EHMT1: variants seen among roughly 807,000 people sequenced by gnomAD.
EHMT1 encodes the protein histone-lysine N-methyltransferase EHMT1.
In EHMT1, 15 loss-of-function variants were observed where a neutral mutation model predicts 147.2. The ratio of observed to expected loss-of-function variants is 0.10; its 90% CI spans 0.07 to 0.16. EHMT1 has a LOEUF of 0.16. Among genes scored for constraint, EHMT1 ranks in the 10% least tolerant of loss-of-function variants. The pLI is 1.00. For missense variants in EHMT1, 1,587 were observed against 1,772.4 expected (o/e 0.90, Z 1.88); for synonymous variants, 795 against 709.6 (o/e 1.12, Z -1.91).
chr9:137,725,297 G>A (rs143433721), intron 3 of EHMT1, among the ~76,000 whole-genome samples: 1,578 of 152,026 alleles, frequency 0.01, 35 homozygotes, highest in Admixed American at 0.046. Context: ...TGTGGCCTTC[G>A]TGTGGCAGAC....
intron 1 of EHMT1, among the ~76,000 whole-genome samples, chr9:137,653,356 C>T (rs547600231): frequency 2.0e-4 from 30 of 152,210 alleles, no homozygotes; most frequent in Admixed American, 6.5e-4. Flanking sequence ...AGCCTCGGTG[C>T]GTAGTAGGCA....
chr9:137,779,352 A>C (rs1304643259), intron 13 of EHMT1, among the ~76,000 whole-genome samples: 3 of 152,222 alleles, frequency 2.0e-5, no homozygotes, highest in Non-Finnish European at 2.9e-5. Context: ...CGTGTTGTGT[A>C]AAAGCCTCAC....
At chr9:137,694,061 G>T in intron 1 of EHMT1, among the ~76,000 whole-genome samples, 1 of 89,204 alleles carries the variant, frequency 1.1e-5, no homozygotes, top group African/African-American at 4.7e-5. Flanking sequence ...CCCACACAGT[G>T]GCTCAGGACG....
chr9:137,708,472 TG>T (rs1328005101), intron 1 of EHMT1, among the ~76,000 whole-genome samples: 9 of 152,240 alleles, frequency 5.9e-5, no homozygotes, highest in Admixed American at 2.0e-4. Context: ...TATTAGGCAC[TG>T]GGCATTTGGG....
In EHMT1 at chr9:137,834,337, C is replaced by G. The variant is rs546373723; in HGVS notation, c.3541-12C>G. On this transcript the variant is annotated splice_polypyrimidine_tract_variant and intron_variant, in intron 25 of 26. Coordinates refer to ENST00000460843, the MANE Select transcript of EHMT1 (RefSeq NM_024757.5). ...TGCTAACTGCAGCCCGTGCCGGCTT[C>G]TCGCCCTGCAGGACGGGGAGGTTTA... The G allele has an allele frequency of 4.2e-5, 68 of 1,612,174 alleles. No individual in the cohort carries two copies. Among genetic ancestry groups the G allele is most frequent in the Non-Finnish European group, 5.7e-5 (67 of 1,179,682 alleles).
intron 18 of EHMT1, among the ~76,000 whole-genome samples, chr9:137,807,055 G>C (rs1315319762): frequency 6.6e-6 from 1 of 152,206 alleles, no homozygotes; most frequent in Non-Finnish European, 1.5e-5. Flanking sequence ...TTGTGTGTGT[G>C]CACGTAGGGT....
At chr9:137,672,517 C>T (rs532563084) in intron 1 of EHMT1, among the ~76,000 whole-genome samples, 420 of 152,040 alleles carry the variant, frequency 2.8e-3, no homozygotes, top group African/African-American at 9.2e-3. Context: ...TCTGGCAACT[C>T]GTGGACAAAA....
In EHMT1 at chr9:137,716,633, T is replaced by C; in HGVS notation, c.93T>C (p.Pro31=). The change falls in exon 3 of 27, where the codon CCT becomes CCC. Residue 31 remains proline (P), a synonymous_variant. Transcript: ENST00000460843. ...TCGTTTCTTTGTTGGCAGAGACACCTATGGCTGCCGATGAAGGCTCAGCAG... is the reference window on the plus strand; with the variant it reads ...TCGTTTCTTTGTTGGCAGAGACACCCATGGCTGCCGATGAAGGCTCAGCAG... ...VKTELLGEET[P]MAADEGSAEK... is the part of the protein sequence containing the mutation. 1 of 1,566,996 alleles carries C rather than the reference T, an allele frequency of 6.4e-7. No individual in the cohort carries two copies. Among genetic ancestry groups the C allele is most frequent in the South Asian group, 1.2e-5 (1 of 83,830 alleles).
chr9:137,730,010 G>A (rs1171450455), intron 4 of EHMT1, among the ~76,000 whole-genome samples: 2 of 152,186 alleles, frequency 1.3e-5, no homozygotes, highest in African/African-American at 4.8e-5. Context: ...CCTTTAATCT[G>A]AACCATTCTC....
In EHMT1 at chr9:137,802,294, G is replaced by C. The variant is rs1209792964; in HGVS notation, c.2712+1310G>C. 7.5e-5 allele frequency: 30 copies of C among 398,644 alleles called. No individual in the cohort carries two copies. In the East Asian group the frequency reaches 1.0e-3, roughly 14 times the overall value. The allele number at this position is 398,644 out of a possible 1,614,324, so 24.7% of individuals were successfully genotyped here. A position where few individuals can be genotyped will look rare whatever the true frequency, so the allele number is the denominator to read the frequency against. On this transcript the variant is annotated intron_variant, in intron 18 of 26. Transcript: ENST00000460843. ...TGTGTCCACCGTCACAGAGGGTTCA[G>C]AAGCCAGAAATGGGAGGTGCTGCAG... is the stretch of plus-strand genomic sequence containing the variant.
At chr9:137,755,236 C>CCCCTTCCCTGCCT (rs1190471348) in intron 8 of EHMT1, among the ~76,000 whole-genome samples, 2 of 152,170 alleles carry the variant, frequency 1.3e-5, no homozygotes, top group African/African-American at 4.8e-5. Context: ...GATAACCTGG[C>CCCCTTCCCTGCCT]CCCTTCCCTG....
At chr9:137,721,074 G>A (rs1429487496) in intron 3 of EHMT1, among the ~76,000 whole-genome samples, 1 of 151,956 alleles carries the variant, frequency 6.6e-6, no homozygotes, top group Non-Finnish European at 1.5e-5. Context: ...GGGTGCGCTG[G>A]TGTTTCCTCG....
chr9:137,804,027 T>C (rs1269286262), intron 18 of EHMT1, among the ~76,000 whole-genome samples: 1 of 152,150 alleles, frequency 6.6e-6, no homozygotes, highest in Admixed American at 6.5e-5. Context: ...TTAACAATCA[T>C]GGCAGAAGGT....
At chr9:137,800,637 C>T (rs1026746377) in intron 17 of EHMT1, 11 of 563,556 alleles carry the variant, frequency 2.0e-5, no homozygotes, top group African/African-American at 9.4e-5. Flanking sequence ...CAGGGCATGT[C>T]GGGCAGGGTT....
In EHMT1 at chr9:137,834,467, G is replaced by A. The variant is rs761138496; in HGVS notation, c.3659G>A (p.Arg1220Gln). The A allele has an allele frequency of 1.6e-5, 25 of 1,612,794 alleles. No homozygotes were observed. The highest frequency in any genetic ancestry group is 1.7e-5 in the Non-Finnish European group (20 of 1,179,822). ...VRVFMAHQDL[R>Q]FPRIAFFSTR... ...GTGTTCATGGCCCACCAGGACCTGC[G>A]GTTCCCCCGGATCGCCTTCTTCAGC... Residue 1220 changes from arginine to glutamine, a missense_variant, in exon 26 of 27, where the codon CGG becomes CAG. By Grantham distance (43) the Arg-to-Gln change is conservative (BLOSUM62 1). Transcript: ENST00000460843.
In EHMT1 at chr9:137,692,231, GTTTTTCTTT is replaced by G. The variant is rs1418684847; in HGVS notation, c.22-18725_22-18717del. Among the ~76,000 whole-genome samples the G allele has an allele frequency of 1.3e-4, 20 of 150,408 alleles. No individual in the cohort carries two copies. In the South Asian group the frequency reaches 4.2e-3, roughly 32 times the overall value. On this transcript the variant is annotated intron_variant, in intron 1 of 26. Coordinates refer to ENST00000460843, the MANE Select transcript of EHMT1 (RefSeq NM_024757.5). ...ACATGGCATGTCGTCACTAGATGGT[GTTTTTCTTT>G]TTTTTCTTTTCTTTCTTTCTTTCTT...
At chr9:137,681,098 C>T (rs1371601292) in intron 1 of EHMT1, among the ~76,000 whole-genome samples, 1 of 152,148 alleles carries the variant, frequency 6.6e-6, no homozygotes. Flanking sequence ...AAGCCCAGGC[C>T]ACTCTCAGCT....
At chr9:137,746,899 T>C (rs1948586595) in intron 6 of EHMT1, 1 of 152,216 alleles carries the variant, frequency 6.6e-6, no homozygotes, top group South Asian at 2.1e-4. Flanking sequence ...GTATTTGTCA[T>C]AAAGTAAAAC....
chr9:137,742,723 A>G (rs1022858643), intron 4 of EHMT1, among the ~76,000 whole-genome samples: 6 of 152,196 alleles, frequency 3.9e-5, no homozygotes, highest in Non-Finnish European at 8.8e-5. Context: ...ATCTTTTAAT[A>G]GAGAGCTGGA....
Sources: gnomAD v4.1 joint callset for allele counts (sites outside exome capture counted in the v4.1 genomes callset) on GRCh38, gnomAD v4.1.1 for gene constraint, MANE v1.5 for transcripts, NCBI Gene and HGNC (gene_info 2026-07-23, HGNC 2026-07-21) for gene names.